The following AOPEP variants were observed in gnomAD, a reference collection of about 807,000 sequenced individuals.
AOPEP encodes aminopeptidase O (putative).
In AOPEP, 77 loss-of-function variants were observed where a neutral mutation model predicts 98.1. The observed-to-expected ratio is 0.78, with a 90% confidence interval of 0.65 to 0.95. AOPEP has a LOEUF of 0.95. Ranked by LOEUF, AOPEP falls within the 40% of genes least tolerant of loss-of-function variation. The probability of loss-of-function intolerance (pLI) is 0.00; values close to 1 mark genes in which losing one functional copy is unlikely to be tolerated. For synonymous variants in AOPEP, 346 were observed against 365.3 expected (o/e 0.95, Z 0.60); for missense variants, 1,024 against 1,024.7 (o/e 1.00, Z 0.01).
intron 13 of AOPEP, among the ~76,000 whole-genome samples, chr9:95,023,786 C>T (rs1046818093): frequency 9.9e-5 from 15 of 152,246 alleles, no homozygotes; most frequent in East Asian, 7.7e-4. Context: ...TTTCCCTGAG[C>T]GCTGACTAAC....
intron 13 of AOPEP, among the ~76,000 whole-genome samples, chr9:95,038,231 C>T (rs1336791755): frequency 6.6e-6 from 1 of 152,156 alleles, no homozygotes; most frequent in Non-Finnish European, 1.5e-5. Flanking sequence ...ACCAAACTCC[C>T]TGGAAAACTA....
intron 11 of AOPEP, among the ~76,000 whole-genome samples, chr9:94,981,895 T>C (rs2060208632): frequency 6.6e-6 from 1 of 152,212 alleles, no homozygotes; most frequent in East Asian, 1.9e-4. Context: ...CTTTTTGTCT[T>C]CTCTCAGGAA....
chr9:95,015,168 A>G (rs1001403475), intron 13 of AOPEP, among the ~76,000 whole-genome samples: 1 of 152,230 alleles, frequency 6.6e-6, no homozygotes, highest in African/African-American at 2.4e-5. Flanking sequence ...GCTGGAAATT[A>G]TGGTGGGAAA....
intron 7 of AOPEP, 148 bp from the exon 8 acceptor site, chr9:94,955,029 A>G (rs1201458584): frequency 1.9e-6 from 1 of 524,742 alleles, no homozygotes. Context: ...CGAGTATGTA[A>G]TACAAACTGT....
intron 16 of AOPEP, chr9:95,086,191 A>G: frequency 7.7e-7 from 1 of 1,302,536 alleles, no homozygotes; most frequent in South Asian, 1.2e-5. Context: ...CCCTGCGTCC[A>G]CCCCGGCCCG....
the AOPEP span, among the ~76,000 whole-genome samples, chr9:95,092,284 C>G: frequency 2.6e-5 from 4 of 152,120 alleles, no homozygotes; most frequent in Non-Finnish European, 5.9e-5. Flanking sequence ...CCAGGGGGAG[C>G]TGCTGTAAAG....
chr9:94,794,745 C>T (rs545736726), intron 4 of AOPEP, among the ~76,000 whole-genome samples: 1 of 152,244 alleles, frequency 6.6e-6, no homozygotes, highest in Admixed American at 6.5e-5. Context: ...CATGTGGGAA[C>T]TTTAATTGCA....
At chr9:94,875,392 C>T (rs559795532) in intron 5 of AOPEP, among the ~76,000 whole-genome samples, 1 of 143,758 alleles carries the variant, frequency 7.0e-6, no homozygotes, top group African/African-American at 2.6e-5. Context: ...AATCAGGCAG[C>T]TCCCAGAGTC....
At chr9:94,994,297 A>G (rs1229607324) in intron 11 of AOPEP, among the ~76,000 whole-genome samples, 2 of 152,154 alleles carry the variant, frequency 1.3e-5, no homozygotes, top group Non-Finnish European at 2.9e-5. Context: ...CTAACTCTCT[A>G]TAGAATTGTA....
At chr9:94,889,579 C>T (rs1160170033) in intron 5 of AOPEP, among the ~76,000 whole-genome samples, 1 of 152,088 alleles carries the variant, frequency 6.6e-6, no homozygotes, top group Non-Finnish European at 1.5e-5. Flanking sequence ...CCTCGACCTC[C>T]TGGGGTCAAG....
intron 7 of AOPEP, among the ~76,000 whole-genome samples, chr9:94,953,576 G>A (rs918117741): frequency 6.6e-6 from 1 of 152,170 alleles, no homozygotes; most frequent in Admixed American, 6.5e-5. Flanking sequence ...CAGGGAAGGT[G>A]GGTAGGATTA....
intron 1 of AOPEP, among the ~76,000 whole-genome samples, chr9:94,745,409 G>C (rs1834244191): frequency 6.6e-6 from 1 of 151,918 alleles, no homozygotes. Context: ...TGGAGCAGCT[G>C]GGACTACAGG....
chr9:94,752,236 T>C (rs1228185465), intron 1 of AOPEP, among the ~76,000 whole-genome samples: 1 of 152,100 alleles, frequency 6.6e-6, no homozygotes, highest in Non-Finnish European at 1.5e-5. Context: ...GACCATTAAG[T>C]GGTATATCAT....
intron 1 of AOPEP, among the ~76,000 whole-genome samples, chr9:94,745,064 C>A (rs1490531133): frequency 6.6e-6 from 1 of 152,050 alleles, no homozygotes; most frequent in Non-Finnish European, 1.5e-5. Flanking sequence ...TTGATTATTT[C>A]CTTGTGTTAC....
intron 7 of AOPEP, among the ~76,000 whole-genome samples, chr9:94,938,167 C>A (rs937179522): frequency 6.6e-6 from 1 of 152,218 alleles, no homozygotes; most frequent in African/African-American, 2.4e-5. Context: ...GCGACCGCGC[C>A]CGGCCAAAAA....
chr9:94,759,865 C>T lies in AOPEP; in HGVS notation c.82C>T (p.Leu28=). ...CCACATACTTGTGAAGCACTATGTA[C>T]TGGATTTGGATGTGGATTTTGAAAG... ...TSHILVKHYV[L]DLDVDFESQV... is the part of the protein sequence containing the mutation. Residue 28 remains leucine (L), a synonymous_variant, in exon 2 of 17, where the codon CTG becomes TTG. Transcript: ENST00000375315. 6.2e-7 allele frequency: 1 copy of T among 1,614,142 alleles called. No individual in the cohort carries two copies. The highest frequency in any genetic ancestry group is 1.6e-4 in the Middle Eastern group (1 of 6,062).
intron 13 of AOPEP, among the ~76,000 whole-genome samples, chr9:95,016,011 G>A (rs188389336): frequency 6.6e-6 from 1 of 151,802 alleles, no homozygotes; most frequent in Non-Finnish European, 1.5e-5. Flanking sequence ...CCCGGAAATT[G>A]ATCTTTTATC....
chr9:95,064,667 G>A (rs1242068226), intron 14 of AOPEP, among the ~76,000 whole-genome samples: 1 of 152,186 alleles, frequency 6.6e-6, no homozygotes, highest in South Asian at 2.1e-4. Flanking sequence ...ATCTTAATAT[G>A]CTGTTACTAA....
intron 1 of AOPEP, among the ~76,000 whole-genome samples, chr9:94,746,625 T>G (rs10821392): frequency 0.42 from 64,004 of 151,912 alleles, 13,825 homozygotes; most frequent in East Asian, 0.51. Context: ...TAAAGTAGAG[T>G]GAAATCACTT....
Sources: gnomAD v4.1 joint callset for allele counts (sites outside exome capture counted in the v4.1 genomes callset) on GRCh38, gnomAD v4.1.1 for gene constraint, MANE v1.5 for transcripts, NCBI Gene and HGNC (gene_info 2026-07-23, HGNC 2026-07-21) for gene names.